The following CDH18 variants were observed in gnomAD, a reference collection of about 807,000 sequenced individuals.
The protein encoded by CDH18 is cadherin-18.
In CDH18, 31 loss-of-function variants were observed where a neutral mutation model predicts 67.9. The ratio of observed to expected loss-of-function variants is 0.46; its 90% CI spans 0.34 to 0.62. The LOEUF (loss-of-function observed/expected upper bound fraction) is 0.62, where lower values mean the gene tolerates loss of function less well. Among genes scored for constraint, CDH18 ranks in the 20% least tolerant of loss-of-function variants. The probability of loss-of-function intolerance (pLI) is 0.01; values close to 1 mark genes in which losing one functional copy is unlikely to be tolerated. For synonymous variants in CDH18, 362 were observed against 347.2 expected, an observed-to-expected ratio of 1.04 and a Z score of -0.48; for missense variants, 890 against 975.5, an observed-to-expected ratio of 0.91 and a Z score of 1.17.
intron 2 of CDH18, among the ~76,000 whole-genome samples, chr5:19,893,709 T>C (rs960545581): frequency 2.6e-5 from 4 of 152,146 alleles, no homozygotes; most frequent in Admixed American, 2.0e-4. Context: ...GTAGAGACTA[T>C]TTAAGGAAGA....
At chr5:20,423,486 A>G (rs1748022846) in intron 1 of CDH18, among the ~76,000 whole-genome samples, 2 of 151,246 alleles carry the variant, frequency 1.3e-5, no homozygotes, top group African/African-American at 4.9e-5. Flanking sequence ...CTTGAAAGTC[A>G]ATAACCAAAA....
chr5:19,600,517 TA>T (rs1561441984), intron 6 of CDH18, among the ~76,000 whole-genome samples: 1 of 150,066 alleles, frequency 6.7e-6, no homozygotes, highest in Non-Finnish European at 1.5e-5. Context: ...TAAATTAAAT[TA>T]TTTTTTCATA....
chr5:20,188,594 C>A (rs1303925408), intron 2 of CDH18, among the ~76,000 whole-genome samples: 1 of 151,738 alleles, frequency 6.6e-6, no homozygotes, highest in Non-Finnish European at 1.5e-5. Context: ...ATTATTATTC[C>A]TTTTTTGCTG....
At chr5:19,874,249 A>G (rs1320619130) in intron 2 of CDH18, among the ~76,000 whole-genome samples, 1 of 152,172 alleles carries the variant, frequency 6.6e-6, no homozygotes, top group African/African-American at 2.4e-5. Context: ...TGCATTATCA[A>G]TTCAGAATGG....
intron 2 of CDH18, among the ~76,000 whole-genome samples, chr5:19,862,752 T>C (rs1000326024): frequency 3.3e-5 from 5 of 152,236 alleles, no homozygotes; most frequent in Non-Finnish European, 5.9e-5. Flanking sequence ...AAGAATTTGC[T>C]ACTAACCACA....
Position 19,747,007 on chromosome 5 carries a change from T to C in CDH18, c.458A>G (p.Asn153Ser). Residue 153 changes from asparagine (N) to serine (S), a missense_variant, in exon 4 of 13, where the codon AAT becomes AGT. By Grantham distance (46) the Asn-to-Ser change is conservative. This residue lies in a region of CDH18 where 234 missense variants were observed against 307.4 expected (regional missense o/e 0.76). Coordinates refer to ENST00000382275, the MANE Select transcript of CDH18 (RefSeq NM_004934.5). The stretch of plus-strand genomic sequence containing the variant: ...ATCTGTGAATTTTGGAGCGTTGTCA[T>C]TGATGTCTTGCACTTTGATGATGAA... Reference protein sequence around the residue: ...SEFIIKVQDINDNAPKFTDGP... With the variant: ...SEFIIKVQDISDNAPKFTDGP... 1 of 1,614,162 alleles carries C rather than the reference T, an allele frequency of 6.2e-7. No homozygotes were observed. Among genetic ancestry groups the C allele is most frequent in the Non-Finnish European group, 8.5e-7 (1 of 1,180,014 alleles).
chr5:19,653,637 C>A (rs571667017), intron 5 of CDH18, among the ~76,000 whole-genome samples: 1 of 152,254 alleles, frequency 6.6e-6, no homozygotes, highest in Non-Finnish European at 1.5e-5. Flanking sequence ...AACTTCCAGG[C>A]AGTCCCCTAG....
intron 3 of CDH18, among the ~76,000 whole-genome samples, chr5:19,775,782 A>G (rs1774298496): frequency 6.6e-6 from 1 of 152,180 alleles, no homozygotes; most frequent in Non-Finnish European, 1.5e-5. Flanking sequence ...CTACAGGAAT[A>G]CTACACATGA....
intron 8 of CDH18, among the ~76,000 whole-genome samples, chr5:19,567,185 A>C (rs1169188407): frequency 6.6e-6 from 1 of 152,164 alleles, no homozygotes; most frequent in Non-Finnish European, 1.5e-5. Context: ...TGGTGACTAC[A>C]CTAGATAATA....
At chr5:20,106,645 G>T (rs1405537330) in intron 2 of CDH18, among the ~76,000 whole-genome samples, 1 of 152,162 alleles carries the variant, frequency 6.6e-6, no homozygotes. Flanking sequence ...TGTAATACCT[G>T]CTGGGATTGT....
chr5:19,769,272 C>T (rs1773463477), intron 3 of CDH18, among the ~76,000 whole-genome samples: 1 of 151,992 alleles, frequency 6.6e-6, no homozygotes, highest in Non-Finnish European at 1.5e-5. Flanking sequence ...TATCAAACTC[C>T]TAGAAGACAA....
intron 2 of CDH18, among the ~76,000 whole-genome samples, chr5:20,105,525 T>C (rs1370846328): frequency 1.3e-5 from 2 of 152,194 alleles, no homozygotes; most frequent in Non-Finnish European, 2.9e-5. Flanking sequence ...TACCACCATC[T>C]ATCTAGAACT....
chr5:19,854,575 A>G (rs1784060448), intron 2 of CDH18, among the ~76,000 whole-genome samples: 1 of 152,078 alleles, frequency 6.6e-6, no homozygotes, highest in Non-Finnish European at 1.5e-5. Flanking sequence ...CACTATGTAA[A>G]ATGGAAATGT....
chr5:19,531,014 G>A (rs1045217356), intron 9 of CDH18, among the ~76,000 whole-genome samples: 10 of 152,150 alleles, frequency 6.6e-5, no homozygotes, highest in African/African-American at 2.2e-4. Flanking sequence ...TACCTCAGAT[G>A]GAAATGCAGA....
intron 6 of CDH18, among the ~76,000 whole-genome samples, chr5:19,603,508 A>T (rs1055375146): frequency 6.6e-6 from 1 of 152,078 alleles, no homozygotes; most frequent in Non-Finnish European, 1.5e-5. Flanking sequence ...TGTTAAAAGG[A>T]TAAATATTAT....
chr5:19,616,865 C>T (rs1204786575), intron 5 of CDH18, among the ~76,000 whole-genome samples: 1 of 152,156 alleles, frequency 6.6e-6, no homozygotes, highest in African/African-American at 2.4e-5. Context: ...TGGCCACCGT[C>T]TTACCATGTC....
chr5:20,569,408 G>T (rs1758685266), intron 1 of CDH18, among the ~76,000 whole-genome samples: 1 of 152,164 alleles, frequency 6.6e-6, no homozygotes, highest in Non-Finnish European at 1.5e-5. Flanking sequence ...GGATCATGAG[G>T]TCAAGAGTTC....
chr5:20,342,268 G>A (rs4866182), intron 1 of CDH18, among the ~76,000 whole-genome samples: 2 of 152,190 alleles, frequency 1.3e-5, no homozygotes, highest in South Asian at 2.1e-4. Flanking sequence ...GGGACACTAA[G>A]TTTGTAAACT....
At chr5:19,892,640 A>C (rs1283551080) in intron 2 of CDH18, among the ~76,000 whole-genome samples, 1 of 151,688 alleles carries the variant, frequency 6.6e-6, no homozygotes, top group Non-Finnish European at 1.5e-5. Flanking sequence ...ACTTCCAAAA[A>C]CTCTTCACCT....
Sources: gnomAD v4.1 joint callset for allele counts (sites outside exome capture counted in the v4.1 genomes callset) on GRCh38, gnomAD v4.1.1 for gene constraint, gnomAD v4.1.1 regional missense constraint, MANE v1.5 for transcripts, NCBI Gene and HGNC (gene_info 2026-07-23, HGNC 2026-07-21) for gene names.